TPST1: variants seen among roughly 807,000 people sequenced by gnomAD.
The protein encoded by TPST1 is protein-tyrosine sulfotransferase 1.
TPST1 carries 20 observed loss-of-function variants against 34.8 expected under a neutral mutation model. The observed-to-expected ratio is 0.57, with a 90% confidence interval of 0.40 to 0.84. The LOEUF (loss-of-function observed/expected upper bound fraction) is 0.84, where lower values mean the gene tolerates loss of function less well. TPST1 is among the 40% of genes least tolerant of loss of function. The pLI, the probability that TPST1 is intolerant of heterozygous loss-of-function variation, is 0.00. For missense variants in TPST1, 353 were observed against 455.5 expected (o/e 0.78, Z 2.05); for synonymous variants, 152 against 159.4 (o/e 0.95, Z 0.35).
rs546077885 is a variant in TPST1, at chr7:66,352,150, G to A, written c.1045-355G>A. The stretch of plus-strand genomic sequence containing the variant: ...CAGGAAGAGCTTGTTCCTAAACTGC[G>A]TGAGTTCTGTGTTGGTTGCTTGAGA... On this transcript the variant is annotated intron_variant, in intron 3 of 5. Transcript: ENST00000304842. Among the ~76,000 whole-genome samples the A allele has an allele frequency of 4.6e-5, 7 of 152,280 alleles. No homozygotes were observed. In the South Asian group the frequency reaches 6.2e-4, roughly 14 times the overall value.
intron 3 of TPST1, among the ~76,000 whole-genome samples, chr7:66,310,510 G>A (rs907715221): frequency 7.2e-5 from 11 of 152,086 alleles, no homozygotes; most frequent in Non-Finnish European, 8.8e-5. Context: ...AAATGGGGTC[G>A]TGTTCCTCAG....
intron 3 of TPST1, among the ~76,000 whole-genome samples, chr7:66,329,443 G>A (rs1364555861): frequency 6.6e-6 from 1 of 151,442 alleles, no homozygotes; most frequent in African/African-American, 2.4e-5. Flanking sequence ...TTTTTTATTG[G>A]TATTAGTTGA....
intron 2 of TPST1, among the ~76,000 whole-genome samples, chr7:66,254,002 C>CA (rs60795420): frequency 0.62 from 70,194 of 113,390 alleles, 19,966 homozygotes; most frequent in African/African-American, 0.68. Context: ...GACTCTGTTT[C>CA]AAAAAAAAAA....
intron 2 of TPST1, among the ~76,000 whole-genome samples, chr7:66,280,320 C>T (rs1252281469): frequency 6.6e-6 from 1 of 152,198 alleles, no homozygotes; most frequent in Non-Finnish European, 1.5e-5. Flanking sequence ...ATTCCTGGGC[C>T]AGATCTTGGG....
intron 2 of TPST1, among the ~76,000 whole-genome samples, chr7:66,271,791 C>T (rs1790709800): frequency 6.6e-6 from 1 of 151,802 alleles, no homozygotes; most frequent in African/African-American, 2.4e-5. Flanking sequence ...ATATGTATCA[C>T]CATTTCTTTA....
chr7:66,342,046 T>G (rs1380482057), intron 3 of TPST1, among the ~76,000 whole-genome samples: 1 of 152,160 alleles, frequency 6.6e-6, no homozygotes, highest in Non-Finnish European at 1.5e-5. Flanking sequence ...TTTAACTGAC[T>G]GGAATTCCAG....
chr7:66,311,833 C>T (rs146840105), intron 3 of TPST1, among the ~76,000 whole-genome samples: 235 of 152,306 alleles, frequency 1.5e-3, no homozygotes, highest in African/African-American at 5.4e-3. Flanking sequence ...GAGACTACCC[C>T]ACAGGAATAG....
intron 3 of TPST1, among the ~76,000 whole-genome samples, chr7:66,341,017 C>T (rs1329401156): frequency 6.6e-6 from 1 of 152,044 alleles, no homozygotes; most frequent in African/African-American, 2.4e-5. Flanking sequence ...TCTCAAAAGT[C>T]AGTATTACCC....
chr7:66,211,212 G>A (rs555190172), intron 1 of TPST1, among the ~76,000 whole-genome samples: 6 of 151,784 alleles, frequency 4.0e-5, no homozygotes, highest in Non-Finnish European at 4.4e-5. Flanking sequence ...TTGGCTCACC[G>A]CAACCTCCGC....
chr7:66,306,575 A>T (rs1415119159), intron 3 of TPST1, among the ~76,000 whole-genome samples: 1 of 152,148 alleles, frequency 6.6e-6, no homozygotes, highest in Non-Finnish European at 1.5e-5. Flanking sequence ...TCCCACCCTC[A>T]AGGAAAAACT....
At chr7:66,265,904 T>C (rs1463230663) in intron 2 of TPST1, among the ~76,000 whole-genome samples, 1 of 152,154 alleles carries the variant, frequency 6.6e-6, no homozygotes, top group African/African-American at 2.4e-5. Flanking sequence ...AAAACTCCCC[T>C]TGAGAAATGA....
At chr7:66,274,366 GA>G (rs767132312) in intron 2 of TPST1, among the ~76,000 whole-genome samples, 183 of 131,784 alleles carry the variant, frequency 1.4e-3, no homozygotes, top group East Asian at 7.4e-3. Flanking sequence ...GACTCCGTCT[GA>G]AAAAAAAAAA....
At chr7:66,336,883 C>G (rs1792132033) in intron 3 of TPST1, among the ~76,000 whole-genome samples, 1 of 152,132 alleles carries the variant, frequency 6.6e-6, no homozygotes, top group Non-Finnish European at 1.5e-5. Context: ...ATTCAACATA[C>G]CCCAATAGAG....
At chr7:66,208,415 G>T (rs568885426) in intron 1 of TPST1, among the ~76,000 whole-genome samples, 1 of 152,094 alleles carries the variant, frequency 6.6e-6, no homozygotes, top group Non-Finnish European at 1.5e-5. Flanking sequence ...ACTTTTCTTT[G>T]TGTTTCCACA....
chr7:66,215,777 T>C lies in TPST1; in HGVS notation c.-102+10255T>C, dbSNP rs1017289925. On this transcript the variant is annotated intron_variant, in intron 1 of 5. Transcript: ENST00000304842. ...TGTCCTGGTTTTTCTTTTTCTTTCT[T>C]TTTTTTTTTTTTTGAGACGGAGTCT... Among the ~76,000 whole-genome samples, 897 of 146,604 alleles carry C rather than the reference T, an allele frequency of 6.1e-3. 15 individuals carry two copies. Among genetic ancestry groups the C allele is most frequent in the Non-Finnish European group, 9.8e-3 (650 of 66,088 alleles).
At chr7:66,226,662 A>G (rs73142245) in intron 1 of TPST1, among the ~76,000 whole-genome samples, 31,473 of 152,206 alleles carry the variant, frequency 0.21, 3,770 homozygotes, top group East Asian at 0.35. Context: ...TAATTAACGT[A>G]CATTTAGCGA....
intron 3 of TPST1, among the ~76,000 whole-genome samples, chr7:66,336,594 AC>A (rs1792126897): frequency 1.3e-5 from 2 of 152,208 alleles, no homozygotes; most frequent in African/African-American, 2.4e-5. Flanking sequence ...AAGAAGACCT[AC>A]AAGAATTGTG....
chr7:66,244,870 G>A (rs1377538307), intron 2 of TPST1, among the ~76,000 whole-genome samples: 1 of 152,146 alleles, frequency 6.6e-6, no homozygotes, highest in Non-Finnish European at 1.5e-5. Context: ...GGCAGAAAGA[G>A]AATATAGCAA....
chr7:66,335,104 C>G (rs375159894), intron 3 of TPST1, among the ~76,000 whole-genome samples: 1 of 152,136 alleles, frequency 6.6e-6, no homozygotes, highest in Non-Finnish European at 1.5e-5. Flanking sequence ...AATCCCTGGT[C>G]GGATTTTCCA....
Sources: gnomAD v4.1 joint callset for allele counts (sites outside exome capture counted in the v4.1 genomes callset) on GRCh38, gnomAD v4.1.1 for gene constraint, MANE v1.5 for transcripts, NCBI Gene and HGNC (gene_info 2026-07-23, HGNC 2026-07-21) for gene names.